Variants in SLCO3A1 observed in about 807,000 individuals in gnomAD.
The protein encoded by SLCO3A1 is PGE1 transporter.
SLCO3A1 carries 27 observed loss-of-function variants against 63.1 expected under a neutral mutation model. The observed-to-expected ratio is 0.43, with a 90% CI of 0.32 to 0.59. The LOEUF is 0.59. Among genes scored for constraint, SLCO3A1 ranks in the 20% least tolerant of loss-of-function variants. The probability of loss-of-function intolerance (pLI) is 0.09; values close to 1 mark genes in which losing one functional copy is unlikely to be tolerated. For missense variants in SLCO3A1, 773 were observed against 945.8 expected (o/e 0.82, Z 2.40); for synonymous variants, 473 against 409.9 (o/e 1.15, Z -1.86).
intron 2 of SLCO3A1, among the ~76,000 whole-genome samples, chr15:92,030,765 C>T (rs1174723274): frequency 6.6e-6 from 1 of 152,170 alleles, no homozygotes; most frequent in East Asian, 1.9e-4. Context: ...CCATGCCTCA[C>T]CTGTGCTTCC....
intron 1 of SLCO3A1, among the ~76,000 whole-genome samples, chr15:91,914,224 G>C (rs1166888155): frequency 1.3e-5 from 2 of 152,186 alleles, no homozygotes; most frequent in Non-Finnish European, 2.9e-5. Flanking sequence ...TCTGGCCCTA[G>C]AGCCTCTGTT....
Position 92,163,563 on chromosome 15 carries a change from A to G in SLCO3A1, c.*428A>G. The G allele has an allele frequency of 1.0e-6, 1 of 984,754 alleles. No homozygotes were observed. Among genetic ancestry groups the G allele is most frequent in the South Asian group, 4.7e-5 (1 of 21,266 alleles). 61.0% of individuals were successfully genotyped at this position (984,754 alleles called of 1,614,324 possible). ...TCCTAAAATAAAAAAAATTAAAAAA[A>G]AAAAACCCACAAGTTGAAAACATTG... On this transcript the variant is annotated 3_prime_UTR_variant, in exon 10 of 10. Transcript: ENST00000318445.
chr15:91,915,532 G>A (rs117416899), intron 1 of SLCO3A1, among the ~76,000 whole-genome samples: 10,548 of 152,178 alleles, frequency 0.069, 515 homozygotes, highest in Non-Finnish European at 0.11. Context: ...TTGAGGTGGG[G>A]GATAGGCTTT....
At chr15:91,978,844 G>T (rs1458748966) in intron 2 of SLCO3A1, among the ~76,000 whole-genome samples, 1 of 152,208 alleles carries the variant, frequency 6.6e-6, no homozygotes, top group African/African-American at 2.4e-5. Context: ...GCGAACTATG[G>T]CCCACGGGCC....
In SLCO3A1 at chr15:91,887,330, C is replaced by T. The variant is rs114103640; in HGVS notation, c.181-28663C>T. 3.9e-3 allele frequency among the ~76,000 whole-genome samples: 600 copies of T among 152,170 alleles called. 3 individuals are homozygous for T. The highest frequency in any genetic ancestry group is 0.014 in the African/African-American group (566 of 41,494). The stretch of plus-strand genomic sequence containing the variant: ...CTATTTCCTGCCTGAGTTTTGATGT[C>T]GAGACCCCTGCCTGCCCAATTCCTG... On this transcript the variant is annotated intron_variant, in intron 1 of 9. Coordinates refer to ENST00000318445, the MANE Select transcript of SLCO3A1 (RefSeq NM_013272.4).
chr15:92,127,599 A>G (rs1475391908), intron 6 of SLCO3A1, among the ~76,000 whole-genome samples: 1 of 152,238 alleles, frequency 6.6e-6, no homozygotes, highest in Non-Finnish European at 1.5e-5. Flanking sequence ...CTTAGGAGAC[A>G]TAGCTGAAAA....
chr15:92,135,844 C>T (rs1307461398), intron 7 of SLCO3A1, among the ~76,000 whole-genome samples: 1 of 152,158 alleles, frequency 6.6e-6, no homozygotes, highest in African/African-American at 2.4e-5. Context: ...TGGTGGTACT[C>T]CCCGGTAAAC....
chr15:92,004,173 AG>A (rs1428819713), intron 2 of SLCO3A1, among the ~76,000 whole-genome samples: 2 of 152,130 alleles, frequency 1.3e-5, no homozygotes, highest in Non-Finnish European at 2.9e-5. Flanking sequence ...ATCACAGGAA[AG>A]GTGGAGAGCC....
intron 2 of SLCO3A1, among the ~76,000 whole-genome samples, chr15:92,036,406 C>G (rs1197651206): frequency 7.5e-6 from 1 of 132,788 alleles, no homozygotes; most frequent in Non-Finnish European, 1.6e-5. Flanking sequence ...TTCTTTTTCT[C>G]TCACTGAAAA....
chr15:92,048,952 C>T lies in SLCO3A1; in HGVS notation c.647-45929C>T, dbSNP rs1409890240. On this transcript the variant is annotated intron_variant, in intron 2 of 9. Transcript: ENST00000318445. ...CCAATGGTGACTCACTGAATGCTCACATAACTCCATGAAATGATTGGCTTT... is the reference window on the plus strand; with the variant it reads ...CCAATGGTGACTCACTGAATGCTCATATAACTCCATGAAATGATTGGCTTT... Among the ~76,000 whole-genome samples, 6 of 152,334 alleles carry T rather than the reference C, an allele frequency of 3.9e-5. No homozygotes were observed. In the East Asian group the frequency reaches 1.2e-3, roughly 29 times the overall value.
chr15:91,906,801 G>A (rs757427698), intron 1 of SLCO3A1, among the ~76,000 whole-genome samples: 6 of 152,198 alleles, frequency 3.9e-5, no homozygotes, highest in Non-Finnish European at 8.8e-5. Context: ...ATCCTGAGTG[G>A]TAGAAAATTC....
intron 2 of SLCO3A1, among the ~76,000 whole-genome samples, chr15:92,027,017 G>C (rs759792991): frequency 6.6e-5 from 10 of 151,784 alleles, no homozygotes; most frequent in Non-Finnish European, 1.3e-4. Flanking sequence ...TTGAACCCAG[G>C]AGGTGGAGGT....
chr15:91,987,895 A>G (rs1220633206), intron 2 of SLCO3A1, among the ~76,000 whole-genome samples: 1 of 152,132 alleles, frequency 6.6e-6, no homozygotes, highest in African/African-American at 2.4e-5. Context: ...GGGATATTTA[A>G]ATACCTAAAG....
chr15:91,998,094 C>T (rs1035781395), intron 2 of SLCO3A1, among the ~76,000 whole-genome samples: 3 of 152,146 alleles, frequency 2.0e-5, no homozygotes, highest in East Asian at 1.9e-4. Flanking sequence ...ACTATGCATT[C>T]GACAAAGGTC....
intron 7 of SLCO3A1, among the ~76,000 whole-genome samples, chr15:92,139,761 C>G (rs2048105040): frequency 6.6e-6 from 1 of 151,924 alleles, no homozygotes; most frequent in Non-Finnish European, 1.5e-5. Context: ...AGTTTATTTG[C>G]ACAGAGGTGT....
intron 2 of SLCO3A1, among the ~76,000 whole-genome samples, chr15:91,989,079 C>T (rs2046092094): frequency 6.6e-6 from 1 of 152,202 alleles, no homozygotes; most frequent in African/African-American, 2.4e-5. Context: ...TGACACTGCC[C>T]TTTTCCTGCA....
chr15:92,114,130 G>T (rs1166716345), intron 4 of SLCO3A1, among the ~76,000 whole-genome samples: 1 of 152,160 alleles, frequency 6.6e-6, no homozygotes, highest in African/African-American at 2.4e-5. Context: ...GCATGTAATG[G>T]CAGGGAACTG....
At chr15:91,874,719 C>T (rs539700860) in intron 1 of SLCO3A1, among the ~76,000 whole-genome samples, 88 of 152,352 alleles carry the variant, frequency 5.8e-4, no homozygotes, top group Admixed American at 1.0e-3. Flanking sequence ...GAGCTTTCAT[C>T]TGGAATAATT....
At position 92,108,743 on chromosome 15, in the gene SLCO3A1, G is replaced by C. The variant is rs1596108694; in HGVS notation, c.1009+4201G>C. On this transcript the variant is annotated intron_variant, in intron 4 of 9. Transcript: ENST00000318445. ...CCTGGAATGCATCAGGCAGTCTCTT[G>C]TTTGCTGCTATTTCTCCCTGGAATG... is the stretch of plus-strand genomic sequence containing the variant. Among the ~76,000 whole-genome samples the C allele has an allele frequency of 4.6e-5, 7 of 152,166 alleles. No homozygotes were observed. In the South Asian group the frequency reaches 1.4e-3, roughly 32 times the overall value.
Sources: allele counts gnomAD v4.1 joint callset (sites outside exome capture counted in the v4.1 genomes callset), GRCh38; gene constraint gnomAD v4.1.1; transcripts MANE v1.5; gene names NCBI Gene and HGNC (gene_info 2026-07-23, HGNC 2026-07-21).